SLC35F3: variants seen among roughly 807,000 people sequenced by gnomAD.
The protein encoded by SLC35F3 is solute carrier family 35 member F3, also known as putative thiamine transporter SLC35F3.
A neutral mutation model predicts 49.9 loss-of-function variants in SLC35F3; 25 were observed. The ratio of observed to expected loss-of-function variants is 0.50; its 90% CI spans 0.37 to 0.70. The LOEUF is 0.70. Among genes scored for constraint, SLC35F3 ranks in the 30% least tolerant of loss-of-function variants. SLC35F3 has a pLI of 0.00. For missense variants in SLC35F3, 525 were observed against 639.8 expected (o/e 0.82, Z 1.94); for synonymous variants, 275 against 265.4 (o/e 1.04, Z -0.35).
Position 234,214,466 on chromosome 1 carries a change from G to T in SLC35F3, c.284-16951G>T. The T allele has an allele frequency of 1.3e-6, 2 of 1,517,556 alleles. No homozygotes were observed. Among genetic ancestry groups the T allele is most frequent in the South Asian group, 2.5e-5 (2 of 80,382 alleles). The allele number at this position is 1,517,556 out of a possible 1,614,324, so 94.0% of individuals were successfully genotyped here. On this transcript the variant is annotated intron_variant, in intron 2 of 7. Coordinates refer to ENST00000366618, the MANE Select transcript of SLC35F3 (RefSeq NM_173508.4). The surrounding 1 kb of genome is among the most constrained non-coding windows in gnomAD (Gnocchi z 8.0). ...AGCCGGCCCCAGGATGTAGGCGATCGGCGGCAGCGCTCCTGCAGGCGGCCG... is the reference window on the plus strand; with the variant it reads ...AGCCGGCCCCAGGATGTAGGCGATCTGCGGCAGCGCTCCTGCAGGCGGCCG...
chr1:233,954,157 C>T (rs1472810605), intron 2 of SLC35F3, among the ~76,000 whole-genome samples: 1 of 152,180 alleles, frequency 6.6e-6, no homozygotes, highest in Non-Finnish European at 1.5e-5. Context: ...CAGGCATGTG[C>T]CACCGCACCT....
chr1:234,036,006 G>A (rs936262086), intron 2 of SLC35F3, among the ~76,000 whole-genome samples: 14 of 152,170 alleles, frequency 9.2e-5, no homozygotes, highest in African/African-American at 2.9e-4. Context: ...AAGTTGATGG[G>A]AAGCTCTGAG....
intron 2 of SLC35F3, among the ~76,000 whole-genome samples, chr1:233,934,164 A>G (rs1662289479): frequency 6.6e-6 from 1 of 152,230 alleles, no homozygotes; most frequent in African/African-American, 2.4e-5. Context: ...AGAAGTATTC[A>G]GGCTATGAAC....
chr1:234,201,912 CAAAA>C (rs11361148), intron 2 of SLC35F3, among the ~76,000 whole-genome samples: 1 of 111,924 alleles, frequency 8.9e-6, no homozygotes. Flanking sequence ...GACTTCTTCT[CAAAA>C]AAAAAAAAAA....
chr1:234,198,519 G>A (rs1028582061), intron 2 of SLC35F3, among the ~76,000 whole-genome samples: 1 of 152,176 alleles, frequency 6.6e-6, no homozygotes, highest in African/African-American at 2.4e-5. Context: ...GATGAGGACT[G>A]TAATTTCTCT....
chr1:234,236,925 TTATATATATA>T (rs55846915), intron 3 of SLC35F3, among the ~76,000 whole-genome samples: 18,983 of 96,294 alleles, frequency 0.2, 2,135 homozygotes, highest in Admixed American at 0.31. Flanking sequence ...AAAAAAAAAA[TTATATATATA>T]TATATATATA....
At chr1:234,175,731 T>C (rs1273342926) in intron 2 of SLC35F3, among the ~76,000 whole-genome samples, 1 of 151,384 alleles carries the variant, frequency 6.6e-6, no homozygotes, top group African/African-American at 2.4e-5. Flanking sequence ...GTCTATGGTT[T>C]CTAGACAGCA....
In SLC35F3 at chr1:233,926,332, C is replaced by T. The variant is rs548528937; in HGVS notation, c.283+20574C>T. Among the ~76,000 whole-genome samples, 9 of 152,204 alleles carry T rather than the reference C, an allele frequency of 5.9e-5. No homozygotes were observed. In the South Asian group the frequency reaches 1.9e-3, roughly 32 times the overall value. ...TATTTCTTGGCGGCTTTATTCGTTT[C>T]TTTTTACTCTTTTTTCTCTAAACTT... On this transcript the variant is annotated intron_variant, in intron 2 of 7. Transcript: ENST00000366618.
intron 3 of SLC35F3, among the ~76,000 whole-genome samples, chr1:234,246,898 A>C (rs1667639367): frequency 6.6e-6 from 1 of 152,170 alleles, no homozygotes; most frequent in Non-Finnish European, 1.5e-5. Flanking sequence ...TTCAAGTCAG[A>C]TGGTGTCGGT....
Position 234,017,715 on chromosome 1 carries a change from G to GAAAAAAAAAAAAAAAAAAAAAAA in SLC35F3, c.283+111976_283+111977insAAAAAAAAAAAAAAAAAAAAAAA, listed in dbSNP as rs35271984. Among the ~76,000 whole-genome samples the GAAAAAAAAAAAAAAAAAAAAAAA allele has an allele frequency of 2.2e-5, 2 of 91,766 alleles. 1 individual carries two copies. Among genetic ancestry groups the GAAAAAAAAAAAAAAAAAAAAAAA allele is most frequent in the Non-Finnish European group, 3.9e-5 (2 of 51,226 alleles). The allele number at this position is 91,766 out of a possible 152,430, so 60.2% of individuals were successfully genotyped here. On this transcript the variant is annotated intron_variant, in intron 2 of 7. Transcript: ENST00000366618. ...GGAGACAGAGCGAGACTTTGTCTCA[G>GAAAAAAAAAAAAAAAAAAAAAAA]AAAAAAAAAAAAAAAAAAAGACACC... is the stretch of plus-strand genomic sequence containing the variant.
chr1:234,113,135 T>C (rs1301703195), intron 2 of SLC35F3, among the ~76,000 whole-genome samples: 3 of 152,094 alleles, frequency 2.0e-5, no homozygotes, highest in Non-Finnish European at 4.4e-5. Context: ...GTGCTTAAAG[T>C]TTCTGACATA....
intron 4 of SLC35F3, among the ~76,000 whole-genome samples, chr1:234,314,280 C>A (rs552113877): frequency 9.2e-5 from 14 of 152,198 alleles, no homozygotes; most frequent in Non-Finnish European, 1.8e-4. Context: ...TGTCCCTTCC[C>A]CCAGCTTAGC....
chr1:233,908,411 G>A (rs1661810400), intron 2 of SLC35F3, among the ~76,000 whole-genome samples: 1 of 151,810 alleles, frequency 6.6e-6, no homozygotes, highest in Admixed American at 6.6e-5. Context: ...TTTAGATTTT[G>A]TTTGGGTTGT....
intron 3 of SLC35F3, among the ~76,000 whole-genome samples, chr1:234,305,349 C>T (rs895524075): frequency 1.3e-5 from 2 of 148,940 alleles, no homozygotes. Context: ...TTGAATAATT[C>T]TATTGAATAA....
At chr1:234,204,004 A>C (rs1666936248) in intron 2 of SLC35F3, among the ~76,000 whole-genome samples, 1 of 152,248 alleles carries the variant, frequency 6.6e-6, no homozygotes, top group African/African-American at 2.4e-5. Context: ...TGTCAAATGC[A>C]TGCCTTTTTT....
chr1:234,164,402 G>A (rs556331313), intron 2 of SLC35F3, among the ~76,000 whole-genome samples: 5 of 121,014 alleles, frequency 4.1e-5, no homozygotes, highest in South Asian at 2.7e-4. Context: ...CTCTCTCCCC[G>A]CTCCCTCCCT....
intron 2 of SLC35F3, among the ~76,000 whole-genome samples, chr1:234,169,868 C>T (rs956464979): frequency 6.6e-6 from 1 of 152,106 alleles, no homozygotes; most frequent in Non-Finnish European, 1.5e-5. Flanking sequence ...CCCGGGTTCA[C>T]GCCATTCTCC....
chr1:234,084,420 G>C (rs922567172), intron 2 of SLC35F3, among the ~76,000 whole-genome samples: 4 of 152,046 alleles, frequency 2.6e-5, no homozygotes, highest in African/African-American at 9.7e-5. Flanking sequence ...CATTTCAAAA[G>C]CCCAGTCTGC....
At chr1:234,143,318 C>T (rs77166780) in intron 2 of SLC35F3, among the ~76,000 whole-genome samples, 1 of 133,824 alleles carries the variant, frequency 7.5e-6, no homozygotes, top group Non-Finnish European at 1.5e-5. Flanking sequence ...GATAAAGGCT[C>T]ACTCTTGTGG....
Sources: gnomAD v4.1 joint callset for allele counts (sites outside exome capture counted in the v4.1 genomes callset) on GRCh38, gnomAD v4.1.1 for gene constraint, Gnocchi (gnomAD v3.1) non-coding constraint, MANE v1.5 for transcripts, NCBI Gene and HGNC (gene_info 2026-07-23, HGNC 2026-07-21) for gene names.